The following SEC14L5 variants were observed in gnomAD, a reference collection of about 807,000 sequenced individuals.
SEC14L5 encodes SEC14-like protein 5.
In SEC14L5, 96 loss-of-function variants were observed where a neutral mutation model predicts 84.6. The ratio of observed to expected loss-of-function variants is 1.13; its 90% CI spans 0.96 to 1.34. The LOEUF (loss-of-function observed/expected upper bound fraction) is 1.34. SEC14L5 is among the 40% of genes most tolerant of loss of function. SEC14L5 has a pLI of 0.00. For synonymous variants in SEC14L5, 546 were observed against 383.4 expected, an observed-to-expected ratio of 1.42 and a Z score of -4.95; for missense variants, 1,224 against 942.5, an observed-to-expected ratio of 1.30 and a Z score of -3.91.
At chr16:5,013,329 G>A (rs1371957961) in intron 15 of SEC14L5, among the ~76,000 whole-genome samples, 1 of 152,166 alleles carries the variant, frequency 6.6e-6, no homozygotes, top group Non-Finnish European at 1.5e-5. Context: ...AATATGGAAC[G>A]TGACACTGGA....
intron 13 of SEC14L5, 36 bp from the exon 14 acceptor site, chr16:5,008,385 G>C: frequency 6.7e-7 from 1 of 1,495,778 alleles, no homozygotes; most frequent in Non-Finnish European, 9.2e-7. Flanking sequence ...CTACTCTCTC[G>C]GCCGTGACTC....
intron 14 of SEC14L5, among the ~76,000 whole-genome samples, chr16:5,008,858 C>T (rs1309189881): frequency 6.6e-6 from 1 of 152,184 alleles, no homozygotes; most frequent in African/African-American, 2.4e-5. Flanking sequence ...ATCGAGAAAG[C>T]ACGGGGTGCT....
rs940783478 is a variant in SEC14L5 at position 4,991,512 on chromosome 16, G to A, written c.475-326G>A. ...TCCTGGGAGGTTGGGGCTGCAGTGCGCTGAGATGACACTACTGCACTCCAG... is the reference window on the plus strand; with the variant it reads ...TCCTGGGAGGTTGGGGCTGCAGTGCACTGAGATGACACTACTGCACTCCAG... On this transcript the variant is annotated intron_variant, in intron 5 of 15. Coordinates refer to ENST00000251170, the MANE Select transcript of SEC14L5 (RefSeq NM_014692.2). 2.4e-4 allele frequency among the ~76,000 whole-genome samples: 37 copies of A among 152,026 alleles called. 1 individual carries two copies. The highest frequency in any genetic ancestry group is 8.2e-4 in the African/African-American group (34 of 41,350).
intron 15 of SEC14L5, among the ~76,000 whole-genome samples, chr16:5,013,737 T>G (rs1355937758): frequency 1.3e-5 from 2 of 151,978 alleles, no homozygotes; most frequent in Non-Finnish European, 2.9e-5. Flanking sequence ...TTTTATATTT[T>G]TAGTGGAGAC....
At chr16:4,981,162 G>T (rs945282786) in intron 2 of SEC14L5, among the ~76,000 whole-genome samples, 1 of 151,054 alleles carries the variant, frequency 6.6e-6, no homozygotes, top group African/African-American at 2.4e-5. Context: ...TGTCGCCCAC[G>T]CTGGAGTGCA....
chr16:5,012,417 G>A (rs1955816044), intron 15 of SEC14L5, among the ~76,000 whole-genome samples: 1 of 152,192 alleles, frequency 6.6e-6, no homozygotes, highest in Non-Finnish European at 1.5e-5. Flanking sequence ...GTAGCCTCAT[G>A]AGAAAATCAG....
At position 5,000,762 on chromosome 16, in the gene SEC14L5, T is replaced by G; in HGVS notation, c.1059+19T>G. 2.6e-6 allele frequency: 4 copies of G among 1,554,254 alleles called. No individual in the cohort carries two copies. On this transcript the variant is annotated intron_variant, in intron 9 of 15. Coordinates refer to ENST00000251170, the MANE Select transcript of SEC14L5 (RefSeq NM_014692.2). ...GCGGCATGTGAGTCAGGGGCCTCGT[T>G]CCTGGACGCCGTGCCTGGGGCCGGG...
chr16:4,971,659 C>T lies in SEC14L5; in HGVS notation c.63+12273C>T, dbSNP rs76423329. On this transcript the variant is annotated intron_variant, in intron 2 of 15. Coordinates refer to ENST00000251170, the MANE Select transcript of SEC14L5 (RefSeq NM_014692.2). The stretch of plus-strand genomic sequence containing the variant: ...TCTCTGAAGGTAGAGCTTTGGGCTG[C>T]GCACCTGCTGATGTCCCCTGGGAGT... Among the ~76,000 whole-genome samples the T allele has an allele frequency of 2.3e-3, 354 of 152,268 alleles. 1 individual carries two copies. The highest frequency in any genetic ancestry group is 7.9e-3 in the African/African-American group (329 of 41,556).
intron 6 of SEC14L5, among the ~76,000 whole-genome samples, chr16:4,995,624 CTTTTTT>C (rs36027978): frequency 1.6e-5 from 2 of 128,570 alleles, no homozygotes; most frequent in Non-Finnish European, 3.3e-5. Context: ...CTCTCTCTCT[CTTTTTT>C]TTTTTTTTTT....
chr16:4,972,860 C>A (rs1467644926), intron 2 of SEC14L5, among the ~76,000 whole-genome samples: 1 of 152,174 alleles, frequency 6.6e-6, no homozygotes, highest in Non-Finnish European at 1.5e-5. Flanking sequence ...AAGAAAAAAT[C>A]AACAATGTGG....
rs559181319 is a variant in SEC14L5 at position 4,998,693 on chromosome 16, C to G, written c.970+1649C>G. On this transcript the variant is annotated intron_variant, in intron 8 of 15. Coordinates refer to ENST00000251170, the MANE Select transcript of SEC14L5 (RefSeq NM_014692.2). ...GCGGAGCTTGCAGTGAGCCGAGATC[C>G]CGCCACTGCACTCCAGCCTGGGCGA... 5.2e-3 allele frequency among the ~76,000 whole-genome samples: 742 copies of G among 142,274 alleles called. 12 individuals carry two copies. The highest frequency in any genetic ancestry group is 0.019 in the African/African-American group (709 of 37,516). 93.3% of individuals were successfully genotyped at this position (142,274 alleles called of 152,430 possible).
intron 15 of SEC14L5, among the ~76,000 whole-genome samples, chr16:5,013,066 A>C (rs1037343514): frequency 6.6e-6 from 1 of 152,104 alleles, no homozygotes; most frequent in Non-Finnish European, 1.5e-5. Flanking sequence ...ACACTTTTAC[A>C]CCATCAGACC....
intron 11 of SEC14L5, among the ~76,000 whole-genome samples, chr16:5,004,162 G>A (rs1955707205): frequency 6.6e-6 from 1 of 152,216 alleles, no homozygotes; most frequent in Non-Finnish European, 1.5e-5. Context: ...ACCTGAGGAG[G>A]CTGGAAGATG....
rs758759896 is a variant in SEC14L5, at chr16:4,959,318, G to A, written c.-6G>A. 9.3e-6 allele frequency: 15 copies of A among 1,612,814 alleles called. No homozygotes were observed. The highest frequency in any genetic ancestry group is 2.2e-5 in the South Asian group (2 of 91,060). ...TGGTGACCTCCATTGGTGCTCCAGC[G>A]TGAACATGGTGCAAAGATACCAGTC... On this transcript the variant is annotated 5_prime_UTR_variant, in exon 2 of 16. In the 5' UTR this introduces an upstream ATG that the reference lacks. Coordinates refer to ENST00000251170, the MANE Select transcript of SEC14L5 (RefSeq NM_014692.2).
At chr16:5,000,627 T>G in intron 8 of SEC14L5, 28 bp from the exon 9 acceptor site, 1 of 1,524,882 alleles carries the variant, frequency 6.6e-7, no homozygotes, top group Non-Finnish European at 8.9e-7. Flanking sequence ...TAACGGGCTC[T>G]TCTTTCTGCT....
At chr16:5,006,073 G>A (rs200395312) in intron 12 of SEC14L5, 25 bp downstream of exon 12, 1 of 1,611,280 alleles carries the variant, frequency 6.2e-7, no homozygotes, top group Non-Finnish European at 8.5e-7. Context: ...TCCACAGACA[G>A]ACCTGGGCTT....
chr16:5,000,792 G>T, intron 9 of SEC14L5, 49 bp downstream of exon 9: 1 of 1,563,420 alleles, frequency 6.4e-7, no homozygotes, highest in African/African-American at 1.4e-5. Flanking sequence ...GCCGGGCCTG[G>T]GAAGGACTGT....
chr16:4,982,388 C>T (rs1422108955), intron 2 of SEC14L5, among the ~76,000 whole-genome samples: 1 of 152,196 alleles, frequency 6.6e-6, no homozygotes, highest in Non-Finnish European at 1.5e-5. Context: ...GCCACAGATG[C>T]TGGGATACGC....
chr16:4,988,074 C>G (rs1349453584), intron 3 of SEC14L5, 75 bp from the exon 4 acceptor site: 3 of 1,537,118 alleles, frequency 2.0e-6, no homozygotes, highest in Non-Finnish European at 2.7e-6. Flanking sequence ...GGGGCAGGCC[C>G]GCCGGACTCG....
Sources: allele counts gnomAD v4.1 joint callset (sites outside exome capture counted in the v4.1 genomes callset), GRCh38; gene constraint gnomAD v4.1.1; transcripts MANE v1.5; gene names NCBI Gene and HGNC (gene_info 2026-07-23, HGNC 2026-07-21).